TRDMT1: variants seen among roughly 807,000 people sequenced by gnomAD.
TRDMT1 encodes the protein tRNA (cytosine(38)-C(5))-methyltransferase.
In TRDMT1, 49 loss-of-function variants were observed where a neutral mutation model predicts 51.2. The ratio of observed to expected loss-of-function variants is 0.96; its 90% CI spans 0.76 to 1.21. The LOEUF is 1.21. Ranked by LOEUF, TRDMT1 falls within the 50% of genes most tolerant of loss-of-function variation. The probability of loss-of-function intolerance (pLI) is 0.00; values close to 1 mark genes in which losing one functional copy is unlikely to be tolerated. For synonymous variants in TRDMT1, 187 were observed against 164.6 expected (o/e 1.14, Z -1.04); for missense variants, 534 against 462.3 (o/e 1.16, Z -1.42).
At chr10:17,187,673 A>C (rs1400995013) in intron 1 of TRDMT1, among the ~76,000 whole-genome samples, 1 of 152,194 alleles carries the variant, frequency 6.6e-6, no homozygotes, top group Admixed American at 6.5e-5. Context: ...GGCAGTAATA[A>C]GTGTTAAAGT....
chr10:17,143,802 T>C lies in TRDMT1; in HGVS notation c.*5238A>G. 3.0e-6 allele frequency: 3 copies of C among 985,444 alleles called. No homozygotes were observed. Among genetic ancestry groups the C allele is most frequent in the Non-Finnish European group, 3.6e-6 (3 of 829,940 alleles). The allele number at this position is 985,444 out of a possible 1,614,324, so 61.0% of individuals were successfully genotyped here. On this transcript the variant is annotated 3_prime_UTR_variant, in exon 11 of 11. Transcript: ENST00000377799. ...TGAGAAGGAAGGTGAAGATGATCTT[T>C]GGTTATGAAGCTTGAACTTGGAAGA...
chr10:17,171,467 T>C (rs1345094836), intron 2 of TRDMT1: 1 of 152,260 alleles, frequency 6.6e-6, no homozygotes, highest in East Asian at 1.9e-4. Context: ...AGAGTGGCAT[T>C]GTCTCTGCTT....
rs545762653 is a variant in TRDMT1 at position 17,149,796 on chromosome 10, T to C, written c.1076-656A>G. 4.2e-4 allele frequency among the ~76,000 whole-genome samples: 64 copies of C among 152,320 alleles called. No homozygotes were observed. In the Middle Eastern group the frequency reaches 0.01, roughly 24 times the overall value. On this transcript the variant is annotated intron_variant, in intron 10 of 10. Transcript: ENST00000377799. ...ATGTTTTAAACATTCATTCATGTCATAGCATGTATTAATACTTCATTCCTT... is the reference window on the plus strand; with the variant it reads ...ATGTTTTAAACATTCATTCATGTCACAGCATGTATTAATACTTCATTCCTT...
chr10:17,195,005 TG>T (rs1845214684), intron 1 of TRDMT1, among the ~76,000 whole-genome samples: 1 of 147,858 alleles, frequency 6.8e-6, no homozygotes, highest in Non-Finnish European at 1.5e-5. Flanking sequence ...GGAACCCTTA[TG>T]CACTGTTGAT....
rs572304111 is a variant in TRDMT1, at chr10:17,165,384, G to C, written c.252-3147C>G. Among the ~76,000 whole-genome samples the C allele has an allele frequency of 4.6e-5, 7 of 152,320 alleles. No individual in the cohort carries two copies. In the South Asian group the frequency reaches 1.5e-3, roughly 32 times the overall value. On this transcript the variant is annotated intron_variant, in intron 3 of 10. Transcript: ENST00000377799. ...TAAAATTAATTCAAGATGGATTAAA[G>C]ACTTAAATGTTAGACCTAAAACCAT...
In TRDMT1 at chr10:17,143,615, T is replaced by C. The variant is rs1282557719; in HGVS notation, c.*5425A>G. 1 of 985,352 alleles carries C rather than the reference T, an allele frequency of 1.0e-6. No homozygotes were observed. The allele number at this position is 985,352 out of a possible 1,614,324, so 61.0% of individuals were successfully genotyped here. On this transcript the variant is annotated 3_prime_UTR_variant, in exon 11 of 11. Transcript: ENST00000377799. ...ATTTAGAAGGCTCAAATCTGTTAAA[T>C]GTTGACATGTTTAACCAAGCACACA...
chr10:17,161,386 A>C, intron 5 of TRDMT1, 97 bp downstream of exon 5: 1 of 860,048 alleles, frequency 1.2e-6, no homozygotes, highest in Non-Finnish European at 1.6e-6. Flanking sequence ...AAATGTCAGA[A>C]TGTATGCACT....
At chr10:17,149,224 C>T (rs1838384550) in intron 10 of TRDMT1, 84 bp from the exon 11 acceptor site, 7 of 1,049,808 alleles carry the variant, frequency 6.7e-6, no homozygotes, top group Admixed American at 4.9e-5. Flanking sequence ...AGTAAGGGCA[C>T]AGCGGTCATT....
chr10:17,150,736 C>T (rs1003891518), intron 10 of TRDMT1: 32 of 984,820 alleles, frequency 3.2e-5, no homozygotes, highest in Non-Finnish European at 3.5e-5. Context: ...TGACACTTGA[C>T]ATTTTATTAA....
At chr10:17,159,327 G>T (rs79725776) in intron 6 of TRDMT1, 98 bp from the exon 7 acceptor site, 2 of 769,666 alleles carry the variant, frequency 2.6e-6, no homozygotes, top group African/African-American at 1.8e-5. Flanking sequence ...AAACTCAAAC[G>T]AGCCTACATT....
chr10:17,150,905 C>T lies in TRDMT1; in HGVS notation c.1076-1765G>A, dbSNP rs559326103. On this transcript the variant is annotated intron_variant, in intron 10 of 10. Coordinates refer to ENST00000377799, the MANE Select transcript of TRDMT1 (RefSeq NM_004412.7). ...ACCTACAAACAGGCTTTTAGACTAT[C>T]CCAGAGATGATCTTTTGCAATATTA... 15 of 985,272 alleles carry T rather than the reference C, an allele frequency of 1.5e-5. No individual in the cohort carries two copies. In the African/African-American group the frequency reaches 1.7e-4, roughly 11 times the overall value. The allele number at this position is 985,272 out of a possible 1,614,324, so 61.0% of individuals were successfully genotyped here. A position where few individuals can be genotyped will look rare whatever the true frequency, so the allele number is the denominator to read the frequency against.
In TRDMT1 at chr10:17,141,966, T is replaced by C. The variant is rs1564536404; in HGVS notation, c.*7074A>G. ...TTATTTTTCAGTTACATAACTGCCA[T>C]TTATTTCTATTCTTAAAAATTGGCA... On this transcript the variant is annotated 3_prime_UTR_variant, in exon 11 of 11. Coordinates refer to ENST00000377799, the MANE Select transcript of TRDMT1 (RefSeq NM_004412.7). 6.6e-6 allele frequency among the ~76,000 whole-genome samples: 1 copy of C among 152,248 alleles called. No homozygotes were observed. The highest frequency in any genetic ancestry group is 1.5e-5 in the Non-Finnish European group (1 of 68,036).
In TRDMT1 at chr10:17,143,403, T is replaced by C. The variant is rs11254396; in HGVS notation, c.*5637A>G. 74 of 985,498 alleles carry C rather than the reference T, an allele frequency of 7.5e-5. No individual in the cohort carries two copies. In the African/African-American group the frequency reaches 1.3e-3, roughly 17 times the overall value. 61.0% of individuals were successfully genotyped at this position (985,498 alleles called of 1,614,324 possible). ...AACAGCTATTCAGCTTATTGTCTAC[T>C]CATTCATAGGATCAGCTCTTAAATA... On this transcript the variant is annotated 3_prime_UTR_variant, in exon 11 of 11. Transcript: ENST00000377799.
chr10:17,146,781 A>G lies in TRDMT1; in HGVS notation c.*2259T>C, dbSNP rs1254227414. On this transcript the variant is annotated 3_prime_UTR_variant, in exon 11 of 11. Transcript: ENST00000377799. ...CAGTGCAAATTTTATATACAGCATT[A>G]TTACCAAAAGCATATAGCAGACATT... 8.1e-6 allele frequency: 8 copies of G among 985,474 alleles called. No homozygotes were observed. In the South Asian group the frequency reaches 1.4e-4, roughly 17 times the overall value. The allele number at this position is 985,474 out of a possible 1,614,324, so 61.0% of individuals were successfully genotyped here.
chr10:17,179,002 G>T (rs958809681), intron 1 of TRDMT1, among the ~76,000 whole-genome samples: 5 of 151,940 alleles, frequency 3.3e-5, no homozygotes, highest in African/African-American at 7.3e-5. Context: ...ACATACCAGA[G>T]CCAGAGAAGT....
At chr10:17,155,337 T>G (rs1839359040) in intron 8 of TRDMT1, among the ~76,000 whole-genome samples, 1 of 152,226 alleles carries the variant, frequency 6.6e-6, no homozygotes, top group East Asian at 1.9e-4. Flanking sequence ...TGTCTTGTCT[T>G]GAATGTTCAT....
intron 1 of TRDMT1, among the ~76,000 whole-genome samples, chr10:17,182,699 A>G (rs1411110326): frequency 6.6e-6 from 1 of 152,200 alleles, no homozygotes; most frequent in Non-Finnish European, 1.5e-5. Context: ...ACAAATACAG[A>G]GAGAGAGCTA....
At chr10:17,192,949 A>G (rs1028695257) in intron 1 of TRDMT1, among the ~76,000 whole-genome samples, 1 of 152,204 alleles carries the variant, frequency 6.6e-6, no homozygotes, top group Non-Finnish European at 1.5e-5. Flanking sequence ...CCAACATCAT[A>G]CTGAGTGGGC....
intron 1 of TRDMT1, among the ~76,000 whole-genome samples, chr10:17,193,271 G>C (rs1265769110): frequency 6.6e-6 from 1 of 152,172 alleles, no homozygotes; most frequent in East Asian, 1.9e-4. Flanking sequence ...GCTGAGGCAG[G>C]AGAATCGCTG....
Sources: gnomAD v4.1 joint callset for allele counts (sites outside exome capture counted in the v4.1 genomes callset) on GRCh38, gnomAD v4.1.1 for gene constraint, MANE v1.5 for transcripts, NCBI Gene and HGNC (gene_info 2026-07-23, HGNC 2026-07-21) for gene names.